Variants in EXOC6B observed in about 807,000 individuals in gnomAD.
EXOC6B encodes exocyst complex component 6B.
Under a neutral mutation model 113.5 loss-of-function variants are expected in EXOC6B, and 54 were observed. The ratio of observed to expected loss-of-function variants is 0.48; its 90% confidence interval spans 0.38 to 0.60. EXOC6B has a LOEUF of 0.60. EXOC6B is among the 20% of genes least tolerant of loss of function. EXOC6B has a pLI of 0.00. For missense variants in EXOC6B, 797 were observed against 977.5 expected, an observed-to-expected ratio of 0.82 and a Z score of 2.46; for synonymous variants, 357 against 339.0, an observed-to-expected ratio of 1.05 and a Z score of -0.58.
chr2:72,514,052 T>C (rs894130166), intron 10 of EXOC6B, among the ~76,000 whole-genome samples: 3 of 152,154 alleles, frequency 2.0e-5, no homozygotes, highest in Non-Finnish European at 4.4e-5. Flanking sequence ...TTGGGAAATG[T>C]AATTCCGTAC....
At chr2:72,406,444 T>C (rs1044198982) in intron 18 of EXOC6B, among the ~76,000 whole-genome samples, 2 of 152,110 alleles carry the variant, frequency 1.3e-5, no homozygotes, top group African/African-American at 2.4e-5. Context: ...ACTGACCACA[T>C]AGTTGGAAGT....
At chr2:72,633,696 T>G (rs952702685) in intron 6 of EXOC6B, among the ~76,000 whole-genome samples, 1 of 152,194 alleles carries the variant, frequency 6.6e-6, no homozygotes, top group Non-Finnish European at 1.5e-5. Context: ...AACAGTACCA[T>G]GGAGCTGACT....
intron 18 of EXOC6B, among the ~76,000 whole-genome samples, chr2:72,434,885 T>G (rs1398397494): frequency 1.3e-5 from 2 of 152,090 alleles, no homozygotes; most frequent in Non-Finnish European, 2.9e-5. Context: ...TTTTGAAGGG[T>G]TTTTCATGTC....
At chr2:72,366,377 T>C (rs575636391) in intron 19 of EXOC6B, among the ~76,000 whole-genome samples, 4 of 150,096 alleles carry the variant, frequency 2.7e-5, no homozygotes, top group South Asian at 4.2e-4. Context: ...AAGACATCAA[T>C]AGAAAGCATC....
intron 2 of EXOC6B, among the ~76,000 whole-genome samples, chr2:72,736,175 C>A (rs1361972488): frequency 6.7e-6 from 1 of 149,914 alleles, no homozygotes; most frequent in Non-Finnish European, 1.5e-5. Flanking sequence ...GACGGAGCAA[C>A]ACTCTGTCTC....
chr2:72,183,838 C>G (rs1678246120), intron 21 of EXOC6B, among the ~76,000 whole-genome samples: 1 of 151,994 alleles, frequency 6.6e-6, no homozygotes, highest in Non-Finnish European at 1.5e-5. Context: ...TGTCAGAATC[C>G]AATTCTGATC....
At chr2:72,609,524 A>T (rs927697393) in intron 6 of EXOC6B, among the ~76,000 whole-genome samples, 2 of 140,316 alleles carry the variant, frequency 1.4e-5, no homozygotes, top group Admixed American at 1.6e-4. Flanking sequence ...AAAATAATTA[A>T]AAAAAAAAAA....
chr2:72,573,924 G>A (rs1355854611), intron 7 of EXOC6B, among the ~76,000 whole-genome samples: 1 of 151,936 alleles, frequency 6.6e-6, no homozygotes, highest in East Asian at 1.9e-4. Context: ...GACCATCCTG[G>A]CTAACATGGT....
intron 10 of EXOC6B, 147 bp from the exon 11 acceptor site, chr2:72,513,399 G>C (rs1573298697): frequency 9.9e-7 from 1 of 1,012,578 alleles, no homozygotes; most frequent in East Asian, 2.5e-5. Flanking sequence ...TAGAATAAAT[G>C]AAATCAGACT....
At chr2:72,702,282 T>C (rs1389118214) in intron 6 of EXOC6B, among the ~76,000 whole-genome samples, 8 of 150,440 alleles carry the variant, frequency 5.3e-5, no homozygotes, top group Non-Finnish European at 7.4e-5. Flanking sequence ...TAGTATTCCA[T>C]GGTGTATATG....
At chr2:72,800,098 C>A (rs1685196998) in intron 1 of EXOC6B, among the ~76,000 whole-genome samples, 1 of 151,558 alleles carries the variant, frequency 6.6e-6, no homozygotes, top group Admixed American at 6.6e-5. Context: ...TTAAAAATTG[C>A]CAATATACCA....
In EXOC6B at chr2:72,671,044, T is replaced by G. The variant is rs369513660; in HGVS notation, c.669+47059A>C. On this transcript the variant is annotated intron_variant, in intron 6 of 21. Coordinates refer to ENST00000272427, the MANE Select transcript of EXOC6B (RefSeq NM_015189.3). The stretch of plus-strand genomic sequence containing the variant: ...ATGTACAAAATCAAATTCTAAGACT[T>G]GGAACTGTGAAACTACCAGAAAAAA... Among the ~76,000 whole-genome samples the G allele has an allele frequency of 1.6e-4, 24 of 152,290 alleles. No individual in the cohort carries two copies. In the East Asian group the frequency reaches 4.2e-3, roughly 27 times the overall value.
chr2:72,670,276 T>C (rs1675700710), intron 6 of EXOC6B, among the ~76,000 whole-genome samples: 2 of 152,218 alleles, frequency 1.3e-5, no homozygotes, highest in African/African-American at 4.8e-5. Flanking sequence ...ATTTCCTGTT[T>C]ATACTACATT....
intron 6 of EXOC6B, among the ~76,000 whole-genome samples, chr2:72,631,796 G>A (rs750586084): frequency 2.6e-5 from 4 of 151,956 alleles, no homozygotes; most frequent in Non-Finnish European, 5.9e-5. Flanking sequence ...GAGCCACCAC[G>A]CCTGGCCCAC....
chr2:72,364,316 T>C (rs1690485297), intron 19 of EXOC6B, among the ~76,000 whole-genome samples: 1 of 152,118 alleles, frequency 6.6e-6, no homozygotes, highest in African/African-American at 2.4e-5. Flanking sequence ...ACAGACAAAT[T>C]ACTGCCAATC....
intron 20 of EXOC6B, among the ~76,000 whole-genome samples, chr2:72,212,440 G>C (rs1680252300): frequency 6.6e-6 from 1 of 152,146 alleles, no homozygotes; most frequent in South Asian, 2.1e-4. Context: ...AGAGGACTTG[G>C]AGTTGCTGGT....
chr2:72,624,946 G>C (rs1671960395), intron 6 of EXOC6B, among the ~76,000 whole-genome samples: 1 of 151,554 alleles, frequency 6.6e-6, no homozygotes, highest in South Asian at 2.1e-4. Flanking sequence ...GAAATGGACT[G>C]TCTGCCTATA....
chr2:72,212,548 C>T (rs189410483), intron 20 of EXOC6B, among the ~76,000 whole-genome samples: 7 of 152,248 alleles, frequency 4.6e-5, no homozygotes, highest in South Asian at 4.2e-4. Flanking sequence ...TAATAAAACG[C>T]CTTTAACTTA....
chr2:72,626,101 C>T (rs370998922), intron 6 of EXOC6B, among the ~76,000 whole-genome samples: 19 of 152,146 alleles, frequency 1.2e-4, no homozygotes, highest in African/African-American at 4.3e-4. Context: ...AGAAACCTCA[C>T]CAAACCCAGA....
Sources: gnomAD v4.1 joint callset for allele counts (sites outside exome capture counted in the v4.1 genomes callset) on GRCh38, gnomAD v4.1.1 for gene constraint, MANE v1.5 for transcripts, NCBI Gene and HGNC (gene_info 2026-07-23, HGNC 2026-07-21) for gene names.